The following SUN3 variants were observed in gnomAD, a reference collection of about 807,000 sequenced individuals.
The protein encoded by SUN3 is Sad1 and UNC84 domain containing 3.
Under a neutral mutation model 48.2 loss-of-function variants are expected in SUN3, and 36 were observed. That is an observed-to-expected ratio of 0.75 (90% CI 0.57 to 0.99). SUN3 has a LOEUF of 0.99. SUN3 is among the 50% of genes least tolerant of loss of function. SUN3 has a pLI of 0.00. For synonymous variants in SUN3, 148 were observed against 147.9 expected, an observed-to-expected ratio of 1.00 and a Z score of 0.00; for missense variants, 419 against 433.1, an observed-to-expected ratio of 0.97 and a Z score of 0.29.
intron 6 of SUN3, among the ~76,000 whole-genome samples, chr7:48,002,925 G>A (rs996454875): frequency 3.3e-5 from 5 of 152,050 alleles, no homozygotes; most frequent in Admixed American, 2.0e-4. Context: ...ATTTGGATGC[G>A]CTTTATTTCT....
chr7:48,004,067 T>C (rs1780711538), intron 6 of SUN3, among the ~76,000 whole-genome samples: 1 of 152,252 alleles, frequency 6.6e-6, no homozygotes, highest in South Asian at 2.1e-4. Flanking sequence ...TGGTTCTTTT[T>C]ATTCTCTTGG....
intron 3 of SUN3, among the ~76,000 whole-genome samples, chr7:48,015,587 C>T (rs1290791768): frequency 6.6e-6 from 1 of 152,178 alleles, no homozygotes; most frequent in Non-Finnish European, 1.5e-5. Context: ...GGAATCTGAT[C>T]AGTCAGGCCT....
chr7:47,987,188 TACTTTTTAC>T lies in SUN3; in HGVS notation c.*133_*141del. On this transcript the variant is annotated 3_prime_UTR_variant, in exon 10 of 10. Transcript: ENST00000297325. The stretch of plus-strand genomic sequence containing the variant: ...TATTTTTTTATTAGTAAAATGCATT[TACTTTTTAC>T]AGGCAAGTATGAACCACTTTGAGGT... The T allele has an allele frequency of 1.3e-6, 1 of 742,330 alleles. No individual in the cohort carries two copies. The highest frequency in any genetic ancestry group is 2.0e-6 in the Non-Finnish European group (1 of 502,586). 46.0% of individuals were successfully genotyped at this position (742,330 alleles called of 1,614,324 possible). A position where few individuals can be genotyped will look rare whatever the true frequency, so the allele number is the denominator to read the frequency against.
At chr7:48,013,666 A>G (rs914677604) in intron 3 of SUN3, among the ~76,000 whole-genome samples, 6 of 152,230 alleles carry the variant, frequency 3.9e-5, no homozygotes, top group Non-Finnish European at 8.8e-5. Flanking sequence ...ATCATCCATT[A>G]CATGTCATTA....
At chr7:47,995,461 T>A (rs1326799586) in intron 7 of SUN3, among the ~76,000 whole-genome samples, 1 of 152,146 alleles carries the variant, frequency 6.6e-6, no homozygotes, top group Non-Finnish European at 1.5e-5. Context: ...GATCAGTGGG[T>A]TTTACCCCTG....
upstream of SUN3, among the ~76,000 whole-genome samples, chr7:48,032,251 T>C (rs1012813671): frequency 2.0e-5 from 3 of 152,214 alleles, no homozygotes; most frequent in African/African-American, 7.2e-5. Context: ...AGGGAGTAGA[T>C]AGATCTCAAG....
chr7:48,034,465 G>C, the SUN3 span, among the ~76,000 whole-genome samples: 1 of 152,136 alleles, frequency 6.6e-6, no homozygotes, highest in Non-Finnish European at 1.5e-5. Context: ...TTCAACAAGA[G>C]AAAACCAAGG....
At chr7:48,012,398 T>G (rs577490974) in intron 3 of SUN3, among the ~76,000 whole-genome samples, 67 of 152,050 alleles carry the variant, frequency 4.4e-4, no homozygotes, top group African/African-American at 1.3e-3. Flanking sequence ...GTTTTTTTTT[T>G]TTTTTCTTCA....
chr7:48,023,539 G>C (rs924493649), intron 2 of SUN3, among the ~76,000 whole-genome samples: 1 of 152,050 alleles, frequency 6.6e-6, no homozygotes, highest in African/African-American at 2.4e-5. Flanking sequence ...ATAAGATATA[G>C]ATTTTCTAAA....
At position 47,987,259 on chromosome 7, in the gene SUN3, C is replaced by T. The variant is rs117336922; in HGVS notation, c.*71G>A. 1.4e-3 allele frequency: 2,155 copies of T among 1,514,016 alleles called. 4 individuals carry two copies. The highest frequency in any genetic ancestry group is 1.7e-3 in the Non-Finnish European group (1,943 of 1,122,998). 93.8% of individuals were successfully genotyped at this position (1,514,016 alleles called of 1,614,324 possible). On this transcript the variant is annotated 3_prime_UTR_variant, in exon 10 of 10. Transcript: ENST00000297325. ...TCCCAATTCTCAATTCCTATGGGTG[C>T]GGTATCATCTAAGAGAATAAGCATT...
chr7:48,026,945 G>C (rs377680666), intron 1 of SUN3, among the ~76,000 whole-genome samples: 128 of 152,204 alleles, frequency 8.4e-4, no homozygotes, highest in African/African-American at 3.0e-3. Context: ...ATTGCAGCCC[G>C]AGCAGATGAA....
In SUN3 at chr7:48,018,738, A is replaced by G. The variant is rs998148055; in HGVS notation, c.185-1373T>C. 6 of 152,578 alleles carry G rather than the reference A, an allele frequency of 3.9e-5. No homozygotes were observed. The East Asian group carries it at 1.2e-3, about 29-fold the overall frequency. The allele number at this position is 152,578 out of a possible 1,614,324, so 9.5% of individuals were successfully genotyped here. ...GAAATCTGAATTCTAGAGTTATTAC[A>G]TTATAATATTAAAATGCTCAATTTG... On this transcript the variant is annotated intron_variant, in intron 2 of 9. Transcript: ENST00000297325.
At chr7:48,005,342 A>C (rs1212056225) in intron 6 of SUN3, among the ~76,000 whole-genome samples, 1 of 152,206 alleles carries the variant, frequency 6.6e-6, no homozygotes, top group Non-Finnish European at 1.5e-5. Flanking sequence ...TCTCCAGTTC[A>C]TGCAAGCTGG....
chr7:47,996,190 C>T (rs1181556206), intron 6 of SUN3, 44 bp from the exon 7 acceptor site: 10 of 1,017,148 alleles, frequency 9.8e-6, no homozygotes, highest in Non-Finnish European at 1.3e-5. Flanking sequence ...ACAACATACA[C>T]AATTCAAAAC....
At position 48,007,845 on chromosome 7, in the gene SUN3, A is replaced by T. The variant is rs575911968; in HGVS notation, c.330-518T>A. On this transcript the variant is annotated intron_variant, in intron 4 of 9. Coordinates refer to ENST00000297325, the MANE Select transcript of SUN3 (RefSeq NM_001030019.2). ...AGAATGTTTTTTTTTTTTTTTTGAGATGGAGTCTCACTCTGTCCCCCAGGC... is the reference window on the plus strand; with the variant it reads ...AGAATGTTTTTTTTTTTTTTTTGAGTTGGAGTCTCACTCTGTCCCCCAGGC... 2.8e-5 allele frequency among the ~76,000 whole-genome samples: 4 copies of T among 145,244 alleles called. No individual in the cohort carries two copies. In the South Asian group the frequency reaches 6.5e-4, roughly 24 times the overall value.
chr7:47,992,561 T>C (rs1424465699), intron 8 of SUN3, among the ~76,000 whole-genome samples: 1 of 152,094 alleles, frequency 6.6e-6, no homozygotes, highest in Non-Finnish European at 1.5e-5. Context: ...AGAAACACTT[T>C]TTAAAAATAA....
chr7:48,007,407 T>A lies in SUN3; in HGVS notation c.330-80A>T, dbSNP rs76346443. 5.0e-3 allele frequency: 6,477 copies of A among 1,284,392 alleles called. 265 individuals carry two copies. The African/African-American group carries it at 0.085, about 17-fold the overall frequency. The allele number at this position is 1,284,392 out of a possible 1,614,324, so 79.6% of individuals were successfully genotyped here. A position where few individuals can be genotyped will look rare whatever the true frequency, so the allele number is the denominator to read the frequency against. On this transcript the variant is annotated intron_variant, in intron 4 of 9. Coordinates refer to ENST00000297325, the MANE Select transcript of SUN3 (RefSeq NM_001030019.2). ...AGCTGTTGCTGGGCTCCACCCGCCA[T>A]GTGATGAGGTGCTTTATATTGTTGA...
the SUN3 span, among the ~76,000 whole-genome samples, chr7:48,034,461 A>T: frequency 1.3e-5 from 2 of 152,216 alleles, no homozygotes; most frequent in Non-Finnish European, 2.9e-5. Flanking sequence ...AATTTTCAAC[A>T]AGAGAAAACC....
intron 8 of SUN3, among the ~76,000 whole-genome samples, chr7:47,992,516 C>A (rs1789095313): frequency 6.6e-6 from 1 of 151,950 alleles, no homozygotes; most frequent in Non-Finnish European, 1.5e-5. Flanking sequence ...ATATGATCTT[C>A]CAGAAGGTGG....
Sources: gnomAD v4.1 joint callset for allele counts (sites outside exome capture counted in the v4.1 genomes callset) on GRCh38, gnomAD v4.1.1 for gene constraint, MANE v1.5 for transcripts, NCBI Gene and HGNC (gene_info 2026-07-23, HGNC 2026-07-21) for gene names.